MECOM: variants seen among roughly 807,000 people sequenced by gnomAD.
MECOM encodes MDS1 and EVI1 complex locus.
Under a neutral mutation model 116.3 loss-of-function variants are expected in MECOM, and 13 were observed. The observed-to-expected ratio is 0.11, with a 90% CI of 0.07 to 0.18. The LOEUF (loss-of-function observed/expected upper bound fraction) is 0.18, where lower values mean the gene tolerates loss of function less well. Ranked by LOEUF, MECOM falls within the 10% of genes least tolerant of loss-of-function variation. The pLI is 1.00. For missense variants in MECOM, 1,299 were observed against 1,509.0 expected, an observed-to-expected ratio of 0.86 and a Z score of 2.31; for synonymous variants, 528 against 535.2, an observed-to-expected ratio of 0.99 and a Z score of 0.19.
chr3:169,294,126 G>A (rs1253713711), intron 2 of MECOM, among the ~76,000 whole-genome samples: 4 of 151,952 alleles, frequency 2.6e-5, no homozygotes, highest in Non-Finnish European at 5.9e-5. Context: ...AACTATTTAT[G>A]GGTTTTTTTT....
chr3:169,283,925 A>G (rs1220236702), intron 2 of MECOM, among the ~76,000 whole-genome samples: 1 of 152,198 alleles, frequency 6.6e-6, no homozygotes, highest in Non-Finnish European at 1.5e-5. Flanking sequence ...TTGCAGTGTT[A>G]TCAATAATAG....
In MECOM at chr3:169,342,007, T is replaced by C. The variant is rs556418456; in HGVS notation, c.375+39180A>G. Among the ~76,000 whole-genome samples the C allele has an allele frequency of 3.9e-5, 6 of 152,190 alleles. No homozygotes were observed. In the South Asian group the frequency reaches 1.0e-3, roughly 26 times the overall value. On this transcript the variant is annotated intron_variant, in intron 2 of 16. Transcript: ENST00000651503. ...ACAACAATTTAAAATAAAATGATTT[T>C]TTAATAAGTTCTCAAAACACAAGAA...
intron 2 of MECOM, among the ~76,000 whole-genome samples, chr3:169,195,390 G>A (rs1287289173): frequency 6.6e-6 from 1 of 152,030 alleles, no homozygotes; most frequent in Non-Finnish European, 1.5e-5. Flanking sequence ...GCAAAAACCT[G>A]CCGCATAAAC....
chr3:169,659,320 A>G (rs1266707876), intron 1 of MECOM, among the ~76,000 whole-genome samples: 2 of 152,052 alleles, frequency 1.3e-5, no homozygotes, highest in Non-Finnish European at 2.9e-5. Flanking sequence ...GTCCCTACAA[A>G]TAAAAAAAGA....
intron 2 of MECOM, among the ~76,000 whole-genome samples, chr3:169,215,650 T>C (rs1231277229): frequency 2.6e-5 from 4 of 152,200 alleles, no homozygotes; most frequent in Non-Finnish European, 5.9e-5. Context: ...TTACCTGATG[T>C]GGCAAAATCA....
At chr3:169,535,424 A>G (rs1245023517) in intron 1 of MECOM, among the ~76,000 whole-genome samples, 2 of 152,176 alleles carry the variant, frequency 1.3e-5, no homozygotes, top group East Asian at 3.8e-4. Context: ...GCAAACATGA[A>G]AGAAAATATA....
intron 2 of MECOM, among the ~76,000 whole-genome samples, chr3:169,182,086 T>C (rs1171271734): frequency 1.3e-5 from 2 of 152,190 alleles, no homozygotes; most frequent in Non-Finnish European, 2.9e-5. Flanking sequence ...GTGCTACAGC[T>C]ACTTGAACTG....
rs148090062 is a variant in MECOM, at chr3:169,197,138, G to A, written c.376-53306C>T. ...CAAGAACTCATTGACACAAAGAAGC[G>A]AACTATAGACACCAGGACGCACTTT... On this transcript the variant is annotated intron_variant, in intron 2 of 16. Transcript: ENST00000651503. Among the ~76,000 whole-genome samples the A allele has an allele frequency of 5.9e-4, 89 of 151,792 alleles. 1 individual carries two copies. The highest frequency in any genetic ancestry group is 6.8e-3 in the Middle Eastern group (2 of 294).
At chr3:169,153,671 G>A (rs1015334515) in intron 2 of MECOM, among the ~76,000 whole-genome samples, 1 of 152,126 alleles carries the variant, frequency 6.6e-6, no homozygotes, top group African/African-American at 2.4e-5. Context: ...TAATCTTGTG[G>A]GGAAAGTTTG....
At chr3:169,228,944 G>A (rs990124189) in intron 2 of MECOM, among the ~76,000 whole-genome samples, 1 of 152,160 alleles carries the variant, frequency 6.6e-6, no homozygotes, top group East Asian at 1.9e-4. Flanking sequence ...CACTGGGTGT[G>A]ATAACAATGG....
rs185133377 is a variant in MECOM at position 169,213,220 on chromosome 3, T to C, written c.376-69388A>G. ...ATACTTGACTTGCATCCTTTAGGCA[T>C]GTTGTAAGTGCTTGAAAAATATCTT... On this transcript the variant is annotated intron_variant, in intron 2 of 16. Coordinates refer to ENST00000651503, the MANE Select transcript of MECOM (RefSeq NM_004991.4). Among the ~76,000 whole-genome samples, 4 of 152,208 alleles carry C rather than the reference T, an allele frequency of 2.6e-5. No homozygotes were observed. The East Asian group carries it at 7.7e-4, about 29-fold the overall frequency.
chr3:169,186,015 A>G (rs140561048), intron 2 of MECOM, among the ~76,000 whole-genome samples: 64 of 152,222 alleles, frequency 4.2e-4, no homozygotes, highest in African/African-American at 1.3e-3. Flanking sequence ...GGCTTAGACA[A>G]TATTCCCTCA....
intron 2 of MECOM, among the ~76,000 whole-genome samples, chr3:169,176,059 T>A (rs1745111453): frequency 6.6e-6 from 1 of 151,124 alleles, no homozygotes; most frequent in African/African-American, 2.4e-5. Flanking sequence ...GGAAGAAGAA[T>A]TATCTTGGGC....
chr3:169,099,292 A>G (rs1722784058), intron 12 of MECOM, among the ~76,000 whole-genome samples: 1 of 152,230 alleles, frequency 6.6e-6, no homozygotes, highest in African/African-American at 2.4e-5. Context: ...ACGTGATAAC[A>G]TAGTTTCCAG....
At position 169,083,685 on chromosome 3, in the gene MECOM, G is replaced by C. The variant is rs1716858817; in HGVS notation, c.*1224C>G. On this transcript the variant is annotated 3_prime_UTR_variant, in exon 17 of 17. Transcript: ENST00000651503. ...TTCCTCAATAAAGGGCAAAATAACT[G>C]AATACAGTCTGTTATTTACTTCTCT... 4.9e-6 allele frequency: 1 copy of C among 202,450 alleles called. No homozygotes were observed. The highest frequency in any genetic ancestry group is 2.3e-5 in the African/African-American group (1 of 43,754). 12.5% of individuals were successfully genotyped at this position (202,450 alleles called of 1,614,324 possible).
chr3:169,663,226 G>C lies in MECOM; in HGVS notation c.37+110C>G. On this transcript the variant is annotated intron_variant, in intron 1 of 16. Coordinates refer to ENST00000651503, the MANE Select transcript of MECOM (RefSeq NM_004991.4). Reference sequence around the variant, plus strand: ...GCTGCGCTCCGCCTGCCCTCCACCCGGGGCCCCGGCGCAAGAGGCAGCCCG... The same window carrying C: ...GCTGCGCTCCGCCTGCCCTCCACCCCGGGCCCCGGCGCAAGAGGCAGCCCG... 6 of 1,316,940 alleles carry C rather than the reference G, an allele frequency of 4.6e-6. No homozygotes were observed. The South Asian group carries it at 7.7e-5, about 17-fold the overall frequency. 81.6% of individuals were successfully genotyped at this position (1,316,940 alleles called of 1,614,324 possible).
intron 1 of MECOM, among the ~76,000 whole-genome samples, chr3:169,642,537 A>T (rs1225582555): frequency 6.6e-6 from 1 of 151,916 alleles, no homozygotes; most frequent in Non-Finnish European, 1.5e-5. Flanking sequence ...AAAAGTGAAA[A>T]GGAAAGAATC....
chr3:169,396,215 C>A (rs1375912839), intron 1 of MECOM, among the ~76,000 whole-genome samples: 1 of 152,106 alleles, frequency 6.6e-6, no homozygotes, highest in Non-Finnish European at 1.5e-5. Context: ...TAGATCCAAG[C>A]CAATTCCTGT....
At chr3:169,207,927 A>G (rs1415359229) in intron 2 of MECOM, among the ~76,000 whole-genome samples, 2 of 152,194 alleles carry the variant, frequency 1.3e-5, no homozygotes, top group South Asian at 2.1e-4. Flanking sequence ...AAACAGAAAT[A>G]ACATACAGAA....
Sources: allele counts gnomAD v4.1 joint callset (sites outside exome capture counted in the v4.1 genomes callset), GRCh38; gene constraint gnomAD v4.1.1; transcripts MANE v1.5; gene names NCBI Gene and HGNC (gene_info 2026-07-23, HGNC 2026-07-21).